Variants in CARMIL1 observed in about 807,000 individuals in gnomAD.
CARMIL1 encodes the protein capping protein regulator and myosin 1 linker 1.
CARMIL1 carries 90 observed loss-of-function variants against 177.1 expected under a neutral mutation model. The ratio of observed to expected loss-of-function variants is 0.51; its 90% CI spans 0.43 to 0.61. CARMIL1 has a LOEUF of 0.61. CARMIL1 is among the 20% of genes least tolerant of loss of function. The pLI is 0.00. For synonymous variants in CARMIL1, 577 were observed against 606.2 expected (o/e 0.95, Z 0.71); for missense variants, 1,380 against 1,667.0 (o/e 0.83, Z 3.00).
intron 2 of CARMIL1, among the ~76,000 whole-genome samples, chr6:25,363,928 T>C (rs1789487960): frequency 1.3e-5 from 2 of 152,096 alleles, no homozygotes; most frequent in Admixed American, 6.5e-5. Flanking sequence ...TTCCTTTCTC[T>C]CTTCTCTTCT....
At chr6:25,414,071 CT>C (rs1168352724) in intron 2 of CARMIL1, among the ~76,000 whole-genome samples, 1 of 152,116 alleles carries the variant, frequency 6.6e-6, no homozygotes, top group Non-Finnish European at 1.5e-5. Context: ...TGGGGTAGGG[CT>C]TTATCTGCAT....
chr6:25,428,530 G>T (rs1401267732), intron 4 of CARMIL1, among the ~76,000 whole-genome samples: 1 of 152,076 alleles, frequency 6.6e-6, no homozygotes, highest in Admixed American at 6.6e-5. Flanking sequence ...AATTCCGTAT[G>T]AATTTTAGAA....
chr6:25,353,010 C>T (rs1484431786), intron 2 of CARMIL1, among the ~76,000 whole-genome samples: 3 of 152,144 alleles, frequency 2.0e-5, no homozygotes, highest in Non-Finnish European at 4.4e-5. Flanking sequence ...GTGTCTTCTC[C>T]TGCCGCCCTG....
intron 20 of CARMIL1, among the ~76,000 whole-genome samples, chr6:25,513,602 A>C (rs989151559): frequency 2.0e-5 from 3 of 152,174 alleles, no homozygotes; most frequent in Admixed American, 6.5e-5. Flanking sequence ...GAAACCATCA[A>C]CACCCTCATT....
chr6:25,563,418 A>G lies in CARMIL1; in HGVS notation c.2742+6568A>G, dbSNP rs1194114261. On this transcript the variant is annotated intron_variant, in intron 29 of 36. Transcript: ENST00000329474. ...AAGGATGTAATTCTTGTCTGTATAT[A>G]TGTATGTGAGAGAACCTGCCTAAAG... The G allele has an allele frequency of 3.0e-6, 3 of 985,222 alleles. No homozygotes were observed. In the African/African-American group the frequency reaches 5.2e-5, roughly 17 times the overall value. The allele number at this position is 985,222 out of a possible 1,614,324, so 61.0% of individuals were successfully genotyped here. A position where few individuals can be genotyped will look rare whatever the true frequency, so the allele number is the denominator to read the frequency against.
At chr6:25,531,134 AAATAAG>A (rs1485982322) in intron 24 of CARMIL1, among the ~76,000 whole-genome samples, 1 of 152,242 alleles carries the variant, frequency 6.6e-6, no homozygotes, top group African/African-American at 2.4e-5. Context: ...AAAAACATAA[AAATAAG>A]TATCCTATTT....
At chr6:25,399,028 A>G (rs578110823) in intron 2 of CARMIL1, among the ~76,000 whole-genome samples, 1 of 152,318 alleles carries the variant, frequency 6.6e-6, no homozygotes, top group Admixed American at 6.5e-5. Context: ...CTTCTGGTTT[A>G]CAGCAGTTTT....
In CARMIL1 at chr6:25,619,664, C is replaced by T. The variant is rs1759578030; in HGVS notation, c.*81C>T. On this transcript the variant is annotated 3_prime_UTR_variant, in exon 37 of 37. Coordinates refer to ENST00000329474, the MANE Select transcript of CARMIL1 (RefSeq NM_017640.6). ...GAACCAAGGGCAACATCTTTTCTTC[C>T]CAGGCGTTCTTCTCTGGGTGCTTTA... 7.0e-7 allele frequency: 1 copy of T among 1,430,430 alleles called. No homozygotes were observed. Among genetic ancestry groups the T allele is most frequent in the Admixed American group, 2.4e-5 (1 of 41,628 alleles). The allele number at this position is 1,430,430 out of a possible 1,614,324, so 88.6% of individuals were successfully genotyped here.
intron 2 of CARMIL1, among the ~76,000 whole-genome samples, chr6:25,386,673 G>A (rs777978747): frequency 6.6e-6 from 1 of 152,142 alleles, no homozygotes; most frequent in South Asian, 2.1e-4. Flanking sequence ...AGGGTTGTCA[G>A]GAGGGTTAAA....
chr6:25,459,266 C>CTTTCTTTTCTTTCTTTCCT, intron 8 of CARMIL1, among the ~76,000 whole-genome samples: 1 of 73,754 alleles, frequency 1.4e-5, no homozygotes, highest in Non-Finnish European at 2.9e-5. Context: ...TTCTTTCTTT[C>CTTTCTTTTCTTTCTTTCCT]TTTTTTTTTT....
rs530598617 is a variant in CARMIL1, at chr6:25,452,100, G to A, written c.614+1389G>A. Reference sequence around the variant, plus strand: ...AGCTCTAGCCAACTGAATCGGCCAGGGAAAAAGTATACTAGCTGGATATAC... The same window carrying A: ...AGCTCTAGCCAACTGAATCGGCCAGAGAAAAAGTATACTAGCTGGATATAC... On this transcript the variant is annotated intron_variant, in intron 8 of 36. Transcript: ENST00000329474. 42 of 758,902 alleles carry A rather than the reference G, an allele frequency of 5.5e-5. 1 individual carries two copies. In the South Asian group the frequency reaches 5.6e-4, roughly 10 times the overall value. 47.0% of individuals were successfully genotyped at this position (758,902 alleles called of 1,614,324 possible).
At chr6:25,412,933 A>G (rs1430379889) in intron 2 of CARMIL1, among the ~76,000 whole-genome samples, 1 of 152,218 alleles carries the variant, frequency 6.6e-6, no homozygotes, top group East Asian at 1.9e-4. Context: ...TTAAATTAAA[A>G]TGTACTTTTT....
chr6:25,434,397 C>T (rs1797054704), intron 4 of CARMIL1, among the ~76,000 whole-genome samples: 1 of 151,976 alleles, frequency 6.6e-6, no homozygotes, highest in Non-Finnish European at 1.5e-5. Context: ...ATGTTTTGGA[C>T]ATCTCCAGCA....
At chr6:25,292,236 A>G (rs1581464056) in intron 2 of CARMIL1, among the ~76,000 whole-genome samples, 1 of 152,192 alleles carries the variant, frequency 6.6e-6, no homozygotes, top group East Asian at 1.9e-4. Context: ...AGGAGTCTCA[A>G]CTTTTAAGGA....
At chr6:25,450,600 C>A (rs1408767819) in intron 7 of CARMIL1, 38 bp from the exon 8 acceptor site, 1 of 1,249,422 alleles carries the variant, frequency 8.0e-7, no homozygotes, top group Non-Finnish European at 1.2e-6. Context: ...TGGTCATCTG[C>A]ATGGACTGAT....
intron 24 of CARMIL1, among the ~76,000 whole-genome samples, chr6:25,534,515 T>TA (rs879579526): frequency 1.6e-3 from 229 of 146,062 alleles, no homozygotes; most frequent in African/African-American, 3.3e-3. Context: ...AGGACTCAGC[T>TA]AAAAAAAAAA....
At chr6:25,395,728 A>G (rs1793319879) in intron 2 of CARMIL1, among the ~76,000 whole-genome samples, 1 of 152,242 alleles carries the variant, frequency 6.6e-6, no homozygotes, top group Admixed American at 6.5e-5. Flanking sequence ...CACTCTTAGC[A>G]TTCCTCAAAA....
chr6:25,517,945 A>G (rs1414885037), intron 22 of CARMIL1, among the ~76,000 whole-genome samples: 1 of 152,246 alleles, frequency 6.6e-6, no homozygotes, highest in Admixed American at 6.5e-5. Context: ...TTACTTTCCC[A>G]GTAAACTAAA....
intron 12 of CARMIL1, among the ~76,000 whole-genome samples, chr6:25,484,401 G>A (rs371607373): frequency 1.3e-5 from 2 of 152,160 alleles, no homozygotes; most frequent in African/African-American, 4.8e-5. Context: ...GATTAGTTCC[G>A]TAAGTCCCAT....
Sources: gnomAD v4.1 joint callset for allele counts (sites outside exome capture counted in the v4.1 genomes callset) on GRCh38, gnomAD v4.1.1 for gene constraint, MANE v1.5 for transcripts, NCBI Gene and HGNC (gene_info 2026-07-23, HGNC 2026-07-21) for gene names.